The following BTBD8 variants were observed in gnomAD, a reference collection of about 807,000 sequenced individuals.
BTBD8 encodes the protein BTB/POZ domain-containing protein 8.
Under a neutral mutation model 162.9 loss-of-function variants are expected in BTBD8, and 110 were observed. The observed-to-expected ratio is 0.68, with a 90% CI of 0.58 to 0.79. The LOEUF (loss-of-function observed/expected upper bound fraction) is 0.79. BTBD8 is among the 30% of genes least tolerant of loss of function. BTBD8 has a pLI of 0.00. For missense variants in BTBD8, 1,905 were observed against 2,085.4 expected (o/e 0.91, Z 1.68); for synonymous variants, 667 against 716.1 (o/e 0.93, Z 1.10).
At chr1:92,164,429 C>T (rs1650338886) in intron 9 of BTBD8, among the ~76,000 whole-genome samples, 1 of 152,018 alleles carries the variant, frequency 6.6e-6, no homozygotes, top group South Asian at 2.1e-4. Context: ...ACCAACCTGA[C>T]CAACATGGTG....
At position 92,182,030 on chromosome 1, in the gene BTBD8, A is replaced by G; in HGVS notation, c.4347A>G (p.Gly1449=). 1 of 1,551,512 alleles carries G rather than the reference A, an allele frequency of 6.4e-7. No homozygotes were observed. Residue 1449 remains glycine (G), a synonymous_variant, in exon 17 of 18, where the codon GGA becomes GGG. Transcript: ENST00000636805. ...LLSVDECEEL[G]SDEGEVHTPF... ...CAGTCGATGAATGTGAAGAGCTGGG[A>G]TCAGATGAAGGAGAAGTCCATACTC...
intron 4 of BTBD8, chr1:92,126,393 TG>T: frequency 1.3e-6 from 1 of 741,500 alleles, no homozygotes; most frequent in Non-Finnish European, 2.3e-6. Context: ...TAGATTTGAA[TG>T]TGCTCTTGCC....
At chr1:92,166,424 CTTTTTT>C (rs35849731) in intron 9 of BTBD8, among the ~76,000 whole-genome samples, 1 of 120,414 alleles carries the variant, frequency 8.3e-6, no homozygotes, top group South Asian at 2.6e-4. Context: ...TCTTTTCTTT[CTTTTTT>C]TTTTTTTTTT....
In BTBD8 at chr1:92,117,954, A is replaced by G. The variant is rs147929632; in HGVS notation, c.662+9953A>G. On this transcript the variant is annotated intron_variant, in intron 4 of 17. Transcript: ENST00000636805. ...ATTAAATGGAAGGTAGGGAAGTCCT[A>G]TACTTATGGGTAGAAGCAGAATCCT... Among the ~76,000 whole-genome samples, 274 of 152,122 alleles carry G rather than the reference A, an allele frequency of 1.8e-3. 8 individuals carry two copies. The highest frequency in any genetic ancestry group is 6.1e-3 in the African/African-American group (251 of 41,390).
chr1:92,175,161 A>G (rs1650671726), intron 13 of BTBD8, among the ~76,000 whole-genome samples: 1 of 152,086 alleles, frequency 6.6e-6, no homozygotes, highest in Non-Finnish European at 1.5e-5. Flanking sequence ...CAAAGGAAAA[A>G]AAAAACCGTT....
At chr1:92,111,232 A>G (rs989348075) in intron 4 of BTBD8, among the ~76,000 whole-genome samples, 3 of 152,006 alleles carry the variant, frequency 2.0e-5, no homozygotes, top group Admixed American at 6.6e-5. Context: ...ACCTCGAGTA[A>G]TCTGCCCACC....
intron 9 of BTBD8, 28 bp downstream of exon 9, chr1:92,147,814 G>T: frequency 6.5e-7 from 1 of 1,541,614 alleles, no homozygotes; most frequent in Admixed American, 1.9e-5. Flanking sequence ...ACTCTTTTGT[G>T]TGTTTGCCAT....
At chr1:92,152,440 C>T (rs1650067216) in intron 9 of BTBD8, among the ~76,000 whole-genome samples, 1 of 152,008 alleles carries the variant, frequency 6.6e-6, no homozygotes, top group South Asian at 2.1e-4. Context: ...TTAAATCTGA[C>T]TGGAATAATA....
At chr1:92,097,798 G>A (rs1436513465) in intron 2 of BTBD8, among the ~76,000 whole-genome samples, 1 of 152,124 alleles carries the variant, frequency 6.6e-6, no homozygotes, top group East Asian at 1.9e-4. Context: ...GATTTGCTGA[G>A]AGGACTCACA....
At chr1:92,115,229 T>C in intron 4 of BTBD8, 1 of 490,684 alleles carries the variant, frequency 2.0e-6, no homozygotes, top group Non-Finnish European at 4.0e-6. Flanking sequence ...CACCACAGTT[T>C]CCCAGAGGGG....
At position 92,139,390 on chromosome 1, in the gene BTBD8, T is replaced by C; in HGVS notation, c.793T>C (p.Tyr265His). ...ACTGAATGTTATGATGCATTTTATA[T>C]ATGGAGGAACTCTGGACATTCCAGA... The part of the protein sequence containing the change: ...VELNVMMHFI[Y>H]GGTLDIPDKT... The change falls in exon 6 of 18, where the codon TAT (tyrosine) becomes CAT (histidine). Residue 265 changes from tyrosine (Y) to histidine (H), a missense_variant. Transcript: ENST00000636805. The C allele has an allele frequency of 1.9e-6, 3 of 1,593,984 alleles. No homozygotes were observed. The highest frequency in any genetic ancestry group is 2.6e-6 in the Non-Finnish European group (3 of 1,174,352).
chr1:92,106,032 A>G (rs1466912137), intron 3 of BTBD8, among the ~76,000 whole-genome samples: 7 of 152,232 alleles, frequency 4.6e-5, no homozygotes, highest in Non-Finnish European at 2.9e-5. Context: ...TTCCTTAAGT[A>G]GGAACTCAAA....
intron 2 of BTBD8, among the ~76,000 whole-genome samples, chr1:92,098,944 G>A (rs999021233): frequency 6.6e-6 from 1 of 151,966 alleles, no homozygotes; most frequent in East Asian, 1.9e-4. Context: ...TTCTTTTGTC[G>A]CTGTGCTTTT....
intron 9 of BTBD8, among the ~76,000 whole-genome samples, chr1:92,166,410 C>T (rs1650386760): frequency 7.1e-6 from 1 of 140,806 alleles, no homozygotes. Context: ...ATTTTAGCTA[C>T]TTTTCTTTTC....
chr1:92,158,870 C>T (rs1209231810), intron 9 of BTBD8, among the ~76,000 whole-genome samples: 2 of 152,050 alleles, frequency 1.3e-5, no homozygotes, highest in African/African-American at 2.4e-5. Flanking sequence ...TGACCTCCTG[C>T]CTCAGCCTCC....
Position 92,171,407 on chromosome 1 carries a change from G to T in BTBD8, c.1582G>T (p.Asp528Tyr). 2 of 1,538,804 alleles carry T rather than the reference G, an allele frequency of 1.3e-6. No individual in the cohort carries two copies. Among genetic ancestry groups the T allele is most frequent in the South Asian group, 2.5e-5 (2 of 81,342 alleles). The change falls in exon 13 of 18, where the codon GAC becomes TAC. Residue 528 changes from aspartate to tyrosine, a missense_variant. Asp to Tyr is a radical substitution (Grantham distance 160). Coordinates refer to ENST00000636805, the MANE Select transcript of BTBD8 (RefSeq NM_001376131.1). ...DQQKIQAAAF[D>Y]KGDDRRLGKK... is the part of the protein sequence containing the mutation. ...GCTGTTTCTTTCTACAGCTGCATTT[G>T]ACAAAGGTGATGATCGAAGACTTGG...
intron 4 of BTBD8, among the ~76,000 whole-genome samples, chr1:92,128,367 C>T (rs1649417917): frequency 6.6e-6 from 1 of 152,136 alleles, no homozygotes; most frequent in Admixed American, 6.5e-5. Flanking sequence ...CAAGCTCCGC[C>T]TCCTGGGTTC....
At chr1:92,104,628 G>A (rs1648676997) in intron 3 of BTBD8, among the ~76,000 whole-genome samples, 1 of 152,168 alleles carries the variant, frequency 6.6e-6, no homozygotes, top group African/African-American at 2.4e-5. Flanking sequence ...CCTTTCGACT[G>A]TTTTCTCCAT....
intron 2 of BTBD8, among the ~76,000 whole-genome samples, chr1:92,097,401 A>T (rs938237124): frequency 2.0e-5 from 3 of 152,050 alleles, no homozygotes; most frequent in Non-Finnish European, 4.4e-5. Context: ...TATAATTTTC[A>T]CATACTATAA....
Sources: allele counts gnomAD v4.1 joint callset (sites outside exome capture counted in the v4.1 genomes callset), GRCh38; gene constraint gnomAD v4.1.1; transcripts MANE v1.5; gene names NCBI Gene and HGNC (gene_info 2026-07-23, HGNC 2026-07-21).